Variants in LIN28B observed in about 807,000 individuals in gnomAD.
The protein encoded by LIN28B is lin-28 RNA binding posttranscriptional regulator B.
In LIN28B, 5 loss-of-function variants were observed where a neutral mutation model predicts 21.9. The ratio of observed to expected loss-of-function variants is 0.23; its 90% confidence interval spans 0.12 to 0.48. LIN28B has a LOEUF of 0.48. LIN28B is among the 20% of genes least tolerant of loss of function. The pLI, the probability that LIN28B is intolerant of heterozygous loss-of-function variation, is 0.98. For missense variants in LIN28B, 245 were observed against 310.5 expected, an observed-to-expected ratio of 0.79 and a Z score of 1.58; for synonymous variants, 109 against 111.3, an observed-to-expected ratio of 0.98 and a Z score of 0.13.
At chr6:104,999,669 G>A (rs952101999) in intron 2 of LIN28B, among the ~76,000 whole-genome samples, 2 of 151,992 alleles carry the variant, frequency 1.3e-5, no homozygotes, top group African/African-American at 4.8e-5. Flanking sequence ...CTGTCTTATG[G>A]TGCTGAACAA....
chr6:105,044,852 T>G (rs160597), intron 3 of LIN28B, among the ~76,000 whole-genome samples: 118,341 of 151,584 alleles, frequency 0.78, 46,974 homozygotes, highest in Non-Finnish European at 0.86. Flanking sequence ...TGGTAACATT[T>G]TAAAGTTGTA....
chr6:105,073,810 C>A (rs1772376137), intron 3 of LIN28B, among the ~76,000 whole-genome samples: 1 of 152,102 alleles, frequency 6.6e-6, no homozygotes, highest in Admixed American at 6.5e-5. Flanking sequence ...TTCATTTACA[C>A]CATTGGAATA....
chr6:105,005,707 C>T (rs1009438213), intron 2 of LIN28B, among the ~76,000 whole-genome samples: 20 of 152,126 alleles, frequency 1.3e-4, no homozygotes, highest in African/African-American at 4.6e-4. Context: ...ACTCATGCTT[C>T]CTGTGAAGCC....
At chr6:105,054,572 G>A (rs1282861918) in intron 3 of LIN28B, among the ~76,000 whole-genome samples, 1 of 152,172 alleles carries the variant, frequency 6.6e-6, no homozygotes, top group African/African-American at 2.4e-5. Flanking sequence ...GAGACATTAG[G>A]GGATAATGAA....
intron 2 of LIN28B, among the ~76,000 whole-genome samples, chr6:105,014,784 A>G (rs531363609): frequency 3.7e-4 from 56 of 152,166 alleles, no homozygotes; most frequent in Admixed American, 9.2e-4. Context: ...ATAAATAAAT[A>G]AAGTACTTAA....
intron 2 of LIN28B, among the ~76,000 whole-genome samples, chr6:105,005,377 C>T (rs575700990): frequency 3.3e-5 from 5 of 152,122 alleles, no homozygotes; most frequent in African/African-American, 9.6e-5. Flanking sequence ...TCCTTCTGTT[C>T]GTAGAACTAT....
intron 3 of LIN28B, among the ~76,000 whole-genome samples, chr6:105,043,341 CAAAAAAAAAAAAAAAAAAAAAAAAA>C (rs57532096): frequency 1.3e-5 from 1 of 75,384 alleles, no homozygotes; most frequent in African/African-American, 7.2e-5. Flanking sequence ...GACTCTGTCT[CAAAAAAAAAAAAAAAAAAAAAAAAA>C]AAAAAAGAAA....
upstream of LIN28B, among the ~76,000 whole-genome samples, chr6:104,954,609 T>C (rs1778261350): frequency 6.6e-6 from 1 of 152,202 alleles, no homozygotes. Context: ...TAGAGGATTT[T>C]TCAGGGTTAC....
Position 105,080,422 on chromosome 6 carries a change from C to G in LIN28B, c.*1639C>G, listed in dbSNP as rs1772521940. 6.6e-6 allele frequency: 1 copy of G among 152,600 alleles called. No homozygotes were observed. Among genetic ancestry groups the G allele is most frequent in the Non-Finnish European group, 1.5e-5 (1 of 68,048 alleles). 9.5% of individuals were successfully genotyped at this position (152,600 alleles called of 1,614,324 possible). ...TTCTGCTGAACAGTTTCTACTTCCTCTCCCGCCTGTCCTGTCATGGGAGAC... is the reference window on the plus strand; with the variant it reads ...TTCTGCTGAACAGTTTCTACTTCCTGTCCCGCCTGTCCTGTCATGGGAGAC... On this transcript the variant is annotated 3_prime_UTR_variant, in exon 4 of 4. Transcript: ENST00000345080.
chr6:105,021,478 C>G (rs1202670379), intron 2 of LIN28B, among the ~76,000 whole-genome samples: 3 of 152,152 alleles, frequency 2.0e-5, no homozygotes, highest in Non-Finnish European at 4.4e-5. Context: ...AATTTGCATT[C>G]CTACCAACAG....
chr6:105,069,357 G>C (rs1257252451), intron 3 of LIN28B, among the ~76,000 whole-genome samples: 1 of 152,178 alleles, frequency 6.6e-6, no homozygotes, highest in Non-Finnish European at 1.5e-5. Context: ...AGAATTAAAA[G>C]AGTTATTATG....
chr6:104,948,370 G>A (rs1352180829), intron 2 of LIN28B, among the ~76,000 whole-genome samples: 1 of 152,168 alleles, frequency 6.6e-6, no homozygotes, highest in Admixed American at 6.5e-5. Context: ...GGGAGGCCGA[G>A]GCAGGAGAAT....
chr6:105,076,884 G>A (rs553753968), intron 3 of LIN28B, among the ~76,000 whole-genome samples: 19 of 151,862 alleles, frequency 1.3e-4, no homozygotes, highest in South Asian at 2.1e-4. Flanking sequence ...GATTACAAGC[G>A]TGAGCCACCG....
chr6:104,957,663 G>C (rs1054083488), intron 1 of LIN28B, among the ~76,000 whole-genome samples: 3 of 152,040 alleles, frequency 2.0e-5, no homozygotes, highest in African/African-American at 7.2e-5. Context: ...TGCCCCATGT[G>C]CCTTAACTAG....
intron 3 of LIN28B, among the ~76,000 whole-genome samples, chr6:104,951,299 A>T (rs1778218011): frequency 6.6e-6 from 1 of 152,148 alleles, no homozygotes; most frequent in Non-Finnish European, 1.5e-5. Context: ...TTCTGTTATT[A>T]AACTTTTCAA....
chr6:105,007,412 T>C (rs1207319304), intron 2 of LIN28B, among the ~76,000 whole-genome samples: 1 of 152,202 alleles, frequency 6.6e-6, no homozygotes. Context: ...GTTTAATAAC[T>C]GCTTGCATTC....
At chr6:105,044,482 GA>G (rs1392947267) in intron 3 of LIN28B, among the ~76,000 whole-genome samples, 1 of 151,822 alleles carries the variant, frequency 6.6e-6, no homozygotes, top group Non-Finnish European at 1.5e-5. Context: ...ATTTTTATAG[GA>G]ATTCAAATTA....
intron 3 of LIN28B, among the ~76,000 whole-genome samples, chr6:105,073,390 T>C (rs895638086): frequency 2.6e-5 from 4 of 152,184 alleles, no homozygotes; most frequent in Non-Finnish European, 4.4e-5. Flanking sequence ...TTGGAAACTT[T>C]ATTAATCCTT....
chr6:104,975,419 A>G (rs536298766), intron 2 of LIN28B, among the ~76,000 whole-genome samples: 1 of 152,256 alleles, frequency 6.6e-6, no homozygotes, highest in East Asian at 1.9e-4. Flanking sequence ...CTAAATCCCC[A>G]CTACTACCAA....
Sources: allele counts gnomAD v4.1 joint callset (sites outside exome capture counted in the v4.1 genomes callset), GRCh38; gene constraint gnomAD v4.1.1; transcripts MANE v1.5; gene names NCBI Gene and HGNC (gene_info 2026-07-23, HGNC 2026-07-21).